The following LRRTM4 variants were observed in gnomAD, a reference collection of about 807,000 sequenced individuals.
LRRTM4 encodes leucine-rich repeat transmembrane neuronal protein 4.
In LRRTM4, 25 loss-of-function variants were observed where a neutral mutation model predicts 47.6. That is an observed-to-expected ratio of 0.53 (90% confidence interval 0.38 to 0.73). LRRTM4 has a LOEUF of 0.73. Ranked by LOEUF, LRRTM4 falls within the 30% of genes least tolerant of loss-of-function variation. The probability of loss-of-function intolerance (pLI) is 0.00; values close to 1 mark genes in which losing one functional copy is unlikely to be tolerated. For missense variants in LRRTM4, 638 were observed against 713.4 expected (o/e 0.89, Z 1.20); for synonymous variants, 311 against 269.5 (o/e 1.15, Z -1.51).
At chr2:77,138,920 C>T (rs12713893) in intron 3 of LRRTM4, among the ~76,000 whole-genome samples, 54,724 of 151,770 alleles carry the variant, frequency 0.36, 10,909 homozygotes, top group African/African-American at 0.53. Flanking sequence ...AAGACTAAAC[C>T]AGGAAGAAGT....
At position 77,118,061 on chromosome 2, in the gene LRRTM4, G is replaced by T; in HGVS notation, c.1552-369145C>A. The stretch of plus-strand genomic sequence containing the variant: ...AATTTAGAAATTTATGCTATAACAA[G>T]AATTAAATTTGTTGTCTTCAGGAAA... On this transcript the variant is annotated intron_variant, in intron 3 of 3. Transcript: ENST00000409884. 1.3e-5 allele frequency among the ~76,000 whole-genome samples: 2 copies of T among 151,736 alleles called. 1 individual carries two copies. The highest frequency in any genetic ancestry group is 3.9e-4 in the East Asian group (2 of 5,174).
intron 3 of LRRTM4, among the ~76,000 whole-genome samples, chr2:77,047,419 C>G (rs1028712299): frequency 7.9e-5 from 12 of 151,998 alleles, no homozygotes; most frequent in African/African-American, 2.7e-4. Context: ...AAGGCTAAAA[C>G]TCTGAGATCT....
At chr2:77,007,171 C>G (rs560086126) in intron 3 of LRRTM4, among the ~76,000 whole-genome samples, 1 of 151,990 alleles carries the variant, frequency 6.6e-6, no homozygotes, top group African/African-American at 2.4e-5. Flanking sequence ...TATATACACA[C>G]ACACACACAC....
At chr2:77,360,534 TA>T (rs1278519492) in intron 3 of LRRTM4, among the ~76,000 whole-genome samples, 23 of 128,618 alleles carry the variant, frequency 1.8e-4, no homozygotes, top group Non-Finnish European at 2.2e-4. Context: ...TACGATACGA[TA>T]CAATACAATC....
chr2:77,426,447 T>C (rs1444551056), intron 3 of LRRTM4, among the ~76,000 whole-genome samples: 16 of 152,170 alleles, frequency 1.1e-4, no homozygotes, highest in Admixed American at 1.0e-3. Flanking sequence ...CCTTTCCTTT[T>C]AGAGTAGCAC....
chr2:77,345,584 C>A lies in LRRTM4; in HGVS notation c.1551+172734G>T, dbSNP rs538355927. Among the ~76,000 whole-genome samples, 53 of 151,918 alleles carry A rather than the reference C, an allele frequency of 3.5e-4. No individual in the cohort carries two copies. The South Asian group carries it at 0.011, about 32-fold the overall frequency. ...TTCTTTGTCATTAGGATAATGCAAA[C>A]TAAAACTATAATGACATACTACTGT... is the stretch of plus-strand genomic sequence containing the variant. On this transcript the variant is annotated intron_variant, in intron 3 of 3. Transcript: ENST00000409884.
chr2:77,289,232 T>A (rs983193495), intron 3 of LRRTM4, among the ~76,000 whole-genome samples: 114 of 152,130 alleles, frequency 7.5e-4, no homozygotes, highest in African/African-American at 2.5e-3. Context: ...ATCCTTTTTT[T>A]TGTTACAACA....
chr2:77,074,274 TCATTTGTACATCCTGTGTTCTTGGG>T (rs1018147490), intron 3 of LRRTM4, among the ~76,000 whole-genome samples: 37 of 152,212 alleles, frequency 2.4e-4, no homozygotes, highest in African/African-American at 8.4e-4. Context: ...GTGTGAGGTT[TCATTTGTACATCCTGTGTTCTTGGG>T]CATTTGTACA....
At chr2:77,471,325 C>T (rs1677180407) in intron 3 of LRRTM4, among the ~76,000 whole-genome samples, 1 of 152,112 alleles carries the variant, frequency 6.6e-6, no homozygotes, top group Non-Finnish European at 1.5e-5. Flanking sequence ...CCAAGAATGA[C>T]TACTAACCAT....
intron 3 of LRRTM4, among the ~76,000 whole-genome samples, chr2:77,432,806 C>G (rs1269282082): frequency 3.9e-5 from 6 of 152,178 alleles, no homozygotes; most frequent in African/African-American, 1.4e-4. Context: ...AGTCAGAGTC[C>G]TGTTTCAGTC....
At chr2:77,517,854 C>T (rs1365921561) in intron 3 of LRRTM4, 2 of 986,226 alleles carry the variant, frequency 2.0e-6, no homozygotes, top group African/African-American at 3.5e-5. Context: ...ACAAAATCAA[C>T]CCTTGGGAAA....
At chr2:76,764,061 G>A (rs779475455) in intron 3 of LRRTM4, among the ~76,000 whole-genome samples, 1 of 152,218 alleles carries the variant, frequency 6.6e-6, no homozygotes, top group Non-Finnish European at 1.5e-5. Flanking sequence ...TTTAGAGGAA[G>A]AAAAATTGTT....
At chr2:77,091,679 C>T (rs1376275092) in intron 3 of LRRTM4, among the ~76,000 whole-genome samples, 1 of 149,360 alleles carries the variant, frequency 6.7e-6, no homozygotes, top group East Asian at 2.0e-4. Flanking sequence ...TTCGCTTTCA[C>T]TTGGACTGAC....
At chr2:77,364,303 C>T (rs1263104853) in intron 3 of LRRTM4, among the ~76,000 whole-genome samples, 1 of 152,072 alleles carries the variant, frequency 6.6e-6, no homozygotes, top group African/African-American at 2.4e-5. Flanking sequence ...ATTGAGTCTT[C>T]AAAATAAATG....
chr2:77,207,411 T>C (rs921474949), intron 3 of LRRTM4, among the ~76,000 whole-genome samples: 1 of 145,230 alleles, frequency 6.9e-6, no homozygotes, highest in Non-Finnish European at 1.5e-5. Context: ...ATATTTCTCC[T>C]GATTTCATTT....
At chr2:77,357,466 G>T (rs879851183) in intron 3 of LRRTM4, among the ~76,000 whole-genome samples, 2 of 151,936 alleles carry the variant, frequency 1.3e-5, no homozygotes, top group Non-Finnish European at 2.9e-5. Context: ...CAATATTCCT[G>T]GTCCTCCTGA....
chr2:76,954,805 T>C (rs1303917915), intron 3 of LRRTM4, among the ~76,000 whole-genome samples: 1 of 151,800 alleles, frequency 6.6e-6, no homozygotes, highest in African/African-American at 2.4e-5. Flanking sequence ...AAGCAACTCA[T>C]CACATACAAC....
intron 3 of LRRTM4, among the ~76,000 whole-genome samples, chr2:77,456,320 G>T (rs866264958): frequency 2.6e-5 from 4 of 151,982 alleles, no homozygotes; most frequent in South Asian, 2.1e-4. Context: ...ATAATTCAAA[G>T]AAAAATAATT....
chr2:76,833,455 G>T (rs924676606), intron 3 of LRRTM4, among the ~76,000 whole-genome samples: 1 of 151,942 alleles, frequency 6.6e-6, no homozygotes, highest in African/African-American at 2.4e-5. Context: ...TACATAAGCC[G>T]TCCTAATATA....
Sources: allele counts gnomAD v4.1 joint callset (sites outside exome capture counted in the v4.1 genomes callset), GRCh38; gene constraint gnomAD v4.1.1; transcripts MANE v1.5; gene names NCBI Gene and HGNC (gene_info 2026-07-23, HGNC 2026-07-21).